Variants in VWA8 observed in about 807,000 individuals in gnomAD.
The protein encoded by VWA8 is von Willebrand factor A domain-containing protein 8.
VWA8 carries 221 observed loss-of-function variants against 241.5 expected under a neutral mutation model. That is an observed-to-expected ratio of 0.91 (90% CI 0.82 to 1.02). The LOEUF is 1.02. Ranked by LOEUF, VWA8 falls within the 50% of genes least tolerant of loss-of-function variation. The pLI, the probability that VWA8 is intolerant of heterozygous loss-of-function variation, is 0.00. For missense variants in VWA8, 2,322 were observed against 2,328.7 expected (o/e 1.00, Z 0.06); for synonymous variants, 852 against 827.1 (o/e 1.03, Z -0.52).
chr13:41,770,335 G>C (rs1329705801), intron 20 of VWA8, among the ~76,000 whole-genome samples: 1 of 151,952 alleles, frequency 6.6e-6, no homozygotes, highest in Non-Finnish European at 1.5e-5. Flanking sequence ...CAGCTACTCG[G>C]GAGGCTTAGG....
chr13:41,763,619 T>C (rs994868635), intron 20 of VWA8, among the ~76,000 whole-genome samples: 5 of 152,194 alleles, frequency 3.3e-5, no homozygotes, highest in African/African-American at 1.2e-4. Context: ...AAATATAAAT[T>C]TTTAAATAGA....
At chr13:41,844,121 A>G (rs1482990402) in intron 12 of VWA8, among the ~76,000 whole-genome samples, 5 of 152,228 alleles carry the variant, frequency 3.3e-5, no homozygotes, top group African/African-American at 9.6e-5. Flanking sequence ...CCAGTAGCAA[A>G]TAAAAGTTAA....
Position 41,830,615 on chromosome 13 carries a change from G to A in VWA8, c.1614C>T (p.Leu538=). Residue 538 remains leucine, a synonymous_variant, in exon 14 of 45, where the codon CTC becomes CTT. Transcript: ENST00000379310. ...QRLIHDRELS[L]YDGSRLLRED... The stretch of plus-strand genomic sequence containing the variant: ...CTCTCAGCAGCCTAGAACCATCATA[G>A]AGGCTTAGCTCTCGATCATGGATTA... The A allele has an allele frequency of 6.2e-7, 1 of 1,613,628 alleles. No homozygotes were observed.
intron 12 of VWA8, among the ~76,000 whole-genome samples, chr13:41,848,287 T>A (rs1010654941): frequency 6.6e-6 from 1 of 152,162 alleles, no homozygotes; most frequent in Non-Finnish European, 1.5e-5. Flanking sequence ...TCCAATGGAT[T>A]CAGGGAGAGT....
chr13:41,754,111 T>C (rs2045676002), intron 21 of VWA8, among the ~76,000 whole-genome samples: 1 of 151,364 alleles, frequency 6.6e-6, no homozygotes, highest in Non-Finnish European at 1.5e-5. Flanking sequence ...AGTGTATGTA[T>C]TTTTTTTTAT....
At chr13:41,905,779 G>A (rs541829798) in intron 4 of VWA8, among the ~76,000 whole-genome samples, 3 of 152,106 alleles carry the variant, frequency 2.0e-5, no homozygotes, top group African/African-American at 7.2e-5. Flanking sequence ...AGTACTCTTA[G>A]TAAACCTGTT....
intron 9 of VWA8, among the ~76,000 whole-genome samples, chr13:41,874,163 T>G (rs1337986779): frequency 4.0e-5 from 6 of 151,004 alleles, no homozygotes; most frequent in African/African-American, 1.5e-4. Flanking sequence ...CTCAATAAAT[T>G]AGGTATTGAT....
chr13:41,956,128 A>G (rs1878342460), intron 1 of VWA8, among the ~76,000 whole-genome samples: 2 of 152,166 alleles, frequency 1.3e-5, no homozygotes, highest in South Asian at 4.1e-4. Flanking sequence ...CCCTATGAAC[A>G]TTTTGGGCCA....
chr13:41,629,780 C>G (rs912029746), intron 37 of VWA8, among the ~76,000 whole-genome samples: 3 of 152,180 alleles, frequency 2.0e-5, no homozygotes, highest in Non-Finnish European at 4.4e-5. Context: ...CTTTATTGCA[C>G]AGGTAGCTTC....
At chr13:41,883,232 A>G (rs1169613647) in intron 9 of VWA8, among the ~76,000 whole-genome samples, 155 bp downstream of exon 9, 1 of 152,124 alleles carries the variant, frequency 6.6e-6, no homozygotes, top group Non-Finnish European at 1.5e-5. Flanking sequence ...TGATACCTCC[A>G]TGCCTGGTAA....
At position 41,911,880 on chromosome 13, in the gene VWA8, A is replaced by T. The variant is rs560699803; in HGVS notation, c.372+158T>A. On this transcript the variant is annotated intron_variant, in intron 3 of 44. Coordinates refer to ENST00000379310, the MANE Select transcript of VWA8 (RefSeq NM_015058.2). ...AAGCTATACATTTGACTCCCAAATA[A>T]CTTATGCCAAACACTTTATAAACAA... is the stretch of plus-strand genomic sequence containing the variant. Among the ~76,000 whole-genome samples, 5 of 152,348 alleles carry T rather than the reference A, an allele frequency of 3.3e-5. No homozygotes were observed. In the South Asian group the frequency reaches 1.0e-3, roughly 32 times the overall value.
chr13:41,943,602 A>C (rs553527401), intron 2 of VWA8, among the ~76,000 whole-genome samples: 6 of 152,364 alleles, frequency 3.9e-5, no homozygotes, highest in African/African-American at 7.2e-5. Context: ...ATTGAGAAAA[A>C]GTATTCATAA....
intron 12 of VWA8, among the ~76,000 whole-genome samples, chr13:41,839,323 C>A (rs1425840160): frequency 6.6e-6 from 1 of 152,078 alleles, no homozygotes; most frequent in Admixed American, 6.5e-5. Context: ...TCATATCCTT[C>A]GCCCACTGTT....
chr13:41,833,555 A>G, intron 12 of VWA8, 24 bp from the exon 13 acceptor site: 2 of 1,579,152 alleles, frequency 1.3e-6, no homozygotes, highest in African/African-American at 1.3e-5. Context: ...CCACCACCCA[A>G]CAAAGAACAT....
At chr13:41,784,042 T>C (rs1593770056) in intron 18 of VWA8, 141 bp from the exon 19 acceptor site, 2 of 630,034 alleles carry the variant, frequency 3.2e-6, no homozygotes, top group East Asian at 3.1e-5. Context: ...TGGAGAGTAG[T>C]AATAAAACAC....
At chr13:41,799,950 TCTACCTGGCTTCAGG>T (rs1404215192) in intron 17 of VWA8, among the ~76,000 whole-genome samples, 1 of 152,186 alleles carries the variant, frequency 6.6e-6, no homozygotes, top group Non-Finnish European at 1.5e-5. Context: ...TACCCCCAAG[TCTACCTGGCTTCAGG>T]CTACTACCAA....
In VWA8 at chr13:41,676,486, T is replaced by C. The variant is rs80090381; in HGVS notation, c.4328-1190A>G. ...TGACATTTCCCTTTTGACCAATTGC[T>C]TTATGAATATGGCTCATGTGTTCAT... On this transcript the variant is annotated intron_variant, in intron 35 of 44. Coordinates refer to ENST00000379310, the MANE Select transcript of VWA8 (RefSeq NM_015058.2). Among the ~76,000 whole-genome samples the C allele has an allele frequency of 1.3e-3, 204 of 152,344 alleles. 1 individual carries two copies. The highest frequency in any genetic ancestry group is 4.7e-3 in the African/African-American group (197 of 41,596).
At chr13:41,783,976 G>T in intron 18 of VWA8, 75 bp from the exon 19 acceptor site, 1 of 1,003,434 alleles carries the variant, frequency 1.0e-6, no homozygotes, top group Non-Finnish European at 1.5e-6. Flanking sequence ...AACACAGAAT[G>T]CAATACAGCT....
At chr13:41,778,110 GA>G in intron 19 of VWA8, 54 bp from the exon 20 acceptor site, 1 of 1,289,176 alleles carries the variant, frequency 7.8e-7, no homozygotes, top group Non-Finnish European at 1.1e-6. Context: ...GGTTAAATAA[GA>G]AAGTTAACTA....
Sources: gnomAD v4.1 joint callset for allele counts (sites outside exome capture counted in the v4.1 genomes callset) on GRCh38, gnomAD v4.1.1 for gene constraint, MANE v1.5 for transcripts, NCBI Gene and HGNC (gene_info 2026-07-23, HGNC 2026-07-21) for gene names.